The following CFAP20DC variants were observed in gnomAD, a reference collection of about 807,000 sequenced individuals.
CFAP20DC encodes the protein CFAP20 domain containing, also known as protein CFAP20DC.
In CFAP20DC, 84 loss-of-function variants were observed where a neutral mutation model predicts 101.7. That is an observed-to-expected ratio of 0.83 (90% CI 0.69 to 0.99). The LOEUF (loss-of-function observed/expected upper bound fraction) is 0.99. CFAP20DC is among the 50% of genes least tolerant of loss of function. CFAP20DC has a pLI of 0.00. For synonymous variants in CFAP20DC, 359 were observed against 351.2 expected (o/e 1.02, Z -0.25); for missense variants, 1,007 against 970.3 (o/e 1.04, Z -0.50).
chr3:59,026,350 C>T (rs1205210978), intron 4 of CFAP20DC, among the ~76,000 whole-genome samples: 3 of 152,130 alleles, frequency 2.0e-5, no homozygotes, highest in African/African-American at 7.2e-5. Context: ...GAGATGTATT[C>T]CCTTGGTGAC....
rs569371282 is a variant in CFAP20DC at position 58,931,887 on chromosome 3, G to A, written c.393+5761C>T. On this transcript the variant is annotated intron_variant, in intron 5 of 16. Transcript: ENST00000482387. The stretch of plus-strand genomic sequence containing the variant: ...AGCACCTCTCCTCCTCCAAAGGAAC[G>A]CAGTTCCTCTCCAGCAACGGAACAA... 6.3e-4 allele frequency among the ~76,000 whole-genome samples: 96 copies of A among 152,342 alleles called. 2 individuals are homozygous for A. The highest frequency in any genetic ancestry group is 1.2e-3 in the Non-Finnish European group (84 of 68,036).
rs943210436 is a variant in CFAP20DC, at chr3:58,724,969, T to A, written c.198-7341A>T. Reference sequence around the variant, plus strand: ...GGAGGTAGGGGAGCAGAGGTTCTGCTATTATTACTTTGGAGGGGACCACCG... The same window carrying A: ...GGAGGTAGGGGAGCAGAGGTTCTGCAATTATTACTTTGGAGGGGACCACCG... On this transcript the variant is annotated intron_variant, in intron 3 of 3. Coordinates refer to the CFAP20DC transcript ENST00000486145. The surrounding 1 kb of genome is among the most constrained non-coding windows in gnomAD (Gnocchi z 5.6). Among the ~76,000 whole-genome samples, 2 of 152,170 alleles carry A rather than the reference T, an allele frequency of 1.3e-5. No homozygotes were observed. The highest frequency in any genetic ancestry group is 4.8e-5 in the African/African-American group (2 of 41,420).
intron 14 of CFAP20DC, among the ~76,000 whole-genome samples, chr3:58,825,802 G>A (rs1001396823): frequency 1.1e-4 from 16 of 152,156 alleles, no homozygotes; most frequent in African/African-American, 3.9e-4. Context: ...TGAAAAATTT[G>A]TCTGTCAAAG....
chr3:58,937,536 T>C (rs900424025), intron 5 of CFAP20DC, 112 bp downstream of exon 5: 4 of 694,982 alleles, frequency 5.8e-6, no homozygotes, highest in East Asian at 2.6e-5. Flanking sequence ...ATTTTATTCA[T>C]TTTTTATACC....
At chr3:58,883,892 A>C (rs2081402714) in intron 7 of CFAP20DC, among the ~76,000 whole-genome samples, 1 of 152,152 alleles carries the variant, frequency 6.6e-6, no homozygotes, top group African/African-American at 2.4e-5. Context: ...AAATTTCTTC[A>C]TTTGTAAGTA....
At chr3:58,845,425 A>C (rs1055730417) in intron 13 of CFAP20DC, among the ~76,000 whole-genome samples, 23 of 151,948 alleles carry the variant, frequency 1.5e-4, no homozygotes, top group African/African-American at 4.8e-4. Context: ...GAAATGGATA[A>C]ATTCCTGGAC....
In CFAP20DC at chr3:58,967,834, T is replaced by C. The variant is rs112088077; in HGVS notation, c.279-30072A>G. 2.7e-3 allele frequency among the ~76,000 whole-genome samples: 409 copies of C among 152,280 alleles called. 1 individual carries two copies. Among genetic ancestry groups the C allele is most frequent in the African/African-American group, 9.3e-3 (385 of 41,568 alleles). On this transcript the variant is annotated intron_variant, in intron 4 of 16. Coordinates refer to ENST00000482387, the MANE Select transcript of CFAP20DC (RefSeq NM_001394063.1). Reference sequence around the variant, plus strand: ...GGTGTTAAGCCCAGTACCCAATAGTTATCTTTTCTGCTCCTCTCCCTCCTC... The same window carrying C: ...GGTGTTAAGCCCAGTACCCAATAGTCATCTTTTCTGCTCCTCTCCCTCCTC...
At chr3:58,853,474 A>T (rs2078448593) in intron 12 of CFAP20DC, among the ~76,000 whole-genome samples, 1 of 152,164 alleles carries the variant, frequency 6.6e-6, no homozygotes, top group South Asian at 2.1e-4. Flanking sequence ...ATCCTCCCTA[A>T]ATCATTTTAT....
In CFAP20DC at chr3:58,816,734, G is replaced by T. The variant is rs1335792911; in HGVS notation, c.2176-10278C>A. ...GGGGAGGGGCGCCCGCCATTGCCCA[G>T]GCTTGCTTAGGTAAACAAAGCAGCC... is the stretch of plus-strand genomic sequence containing the variant. On this transcript the variant is annotated intron_variant, in intron 14 of 16. Transcript: ENST00000482387. 3.3e-5 allele frequency among the ~76,000 whole-genome samples: 5 copies of T among 152,298 alleles called. No individual in the cohort carries two copies. In the East Asian group the frequency reaches 9.7e-4, roughly 29 times the overall value.
At chr3:58,822,384 C>T (rs547864074) in intron 14 of CFAP20DC, among the ~76,000 whole-genome samples, 1 of 147,538 alleles carries the variant, frequency 6.8e-6, no homozygotes, top group East Asian at 2.0e-4. Flanking sequence ...GGGAACTGAA[C>T]AATGAGATCA....
In CFAP20DC at chr3:59,047,228, A is replaced by G. The variant is rs1024102675; in HGVS notation, c.48T>C (p.Ser16=). ...YQGGAFVEIF[S]AQGKNPGAKW... is the part of the protein sequence containing the mutation. ...TTGCTCCAGGATTTTTTCCTTGAGC[A>G]CTGAAAATTTCAACAAATGCACCTC... is the stretch of plus-strand genomic sequence containing the variant. Residue 16 remains serine, a synonymous_variant, in exon 2 of 17, where the codon AGT becomes AGC. Transcript: ENST00000482387. The G allele has an allele frequency of 2.6e-6, 4 of 1,535,090 alleles. No individual in the cohort carries two copies. The highest frequency in any genetic ancestry group is 3.5e-6 in the Non-Finnish European group (4 of 1,146,188).
At chr3:58,936,437 G>T (rs926478816) in intron 5 of CFAP20DC, among the ~76,000 whole-genome samples, 1 of 152,170 alleles carries the variant, frequency 6.6e-6, no homozygotes, top group Non-Finnish European at 1.5e-5. Context: ...TATACCCAAA[G>T]GGTTAGAAAT....
intron 4 of CFAP20DC, among the ~76,000 whole-genome samples, chr3:58,998,670 A>T (rs1215234223): frequency 6.6e-6 from 1 of 152,300 alleles, no homozygotes; most frequent in South Asian, 2.1e-4. Context: ...TGTGATAGAC[A>T]TTAGTCAGTG....
chr3:59,049,760 G>T lies in CFAP20DC; in HGVS notation c.-129C>A. ...ACGGGTGGGAAAGGGCTTCGTGCTT[G>T]GCCCAGACTTGGGCAGGCTCTTCTC... On this transcript the variant is annotated 5_prime_UTR_variant, in exon 1 of 17. Transcript: ENST00000482387. 1 of 1,157,010 alleles carries T rather than the reference G, an allele frequency of 8.6e-7. No homozygotes were observed. The highest frequency in any genetic ancestry group is 1.2e-6 in the Non-Finnish European group (1 of 831,310). The allele number at this position is 1,157,010 out of a possible 1,614,324, so 71.7% of individuals were successfully genotyped here.
At chr3:58,879,412 G>C (rs775565395) in intron 7 of CFAP20DC, among the ~76,000 whole-genome samples, 1 of 152,308 alleles carries the variant, frequency 6.6e-6, no homozygotes, top group South Asian at 2.1e-4. Context: ...AGGGTTCAGT[G>C]CTTAGAACGC....
rs1438894380 is a variant in CFAP20DC at position 58,914,956 on chromosome 3, G to A, written c.394-1092C>T. 6.6e-6 allele frequency: 1 copy of A among 152,154 alleles called. No individual in the cohort carries two copies. 9.4% of individuals were successfully genotyped at this position (152,154 alleles called of 1,614,324 possible). ...GGTAAACTGAGAGTCAAGTAATAGT[G>A]TGATTGGCTTGACTGGCAGAATGGT... On this transcript the variant is annotated intron_variant, in intron 5 of 16. Transcript: ENST00000482387. The surrounding 1 kb of genome is among the most constrained non-coding windows in gnomAD (Gnocchi z 4.9).
chr3:58,984,644 T>C (rs752970945), intron 4 of CFAP20DC, among the ~76,000 whole-genome samples: 5 of 152,128 alleles, frequency 3.3e-5, no homozygotes, highest in African/African-American at 1.2e-4. Context: ...AAAACTGCAA[T>C]ATAAGGAGAG....
chr3:58,950,202 C>A (rs576444356), intron 4 of CFAP20DC, among the ~76,000 whole-genome samples: 7 of 151,584 alleles, frequency 4.6e-5, no homozygotes, highest in Non-Finnish European at 1.0e-4. Flanking sequence ...TACCTAGGAT[C>A]CAACTTACAA....
chr3:58,820,948 A>G (rs2107911402), intron 14 of CFAP20DC, among the ~76,000 whole-genome samples: 1 of 150,798 alleles, frequency 6.6e-6, no homozygotes, highest in East Asian at 2.0e-4. Context: ...AAACAGAGAT[A>G]TAGATCAATG....
Sources: gnomAD v4.1 joint callset for allele counts (sites outside exome capture counted in the v4.1 genomes callset) on GRCh38, gnomAD v4.1.1 for gene constraint, Gnocchi (gnomAD v3.1) non-coding constraint, MANE v1.5 for transcripts, NCBI Gene and HGNC (gene_info 2026-07-23, HGNC 2026-07-21) for gene names.